Variants in PUDP observed in about 807,000 individuals in gnomAD.
PUDP encodes pseudouridine-5'-phosphatase.
In PUDP, 8 loss-of-function variants were observed where a neutral mutation model predicts 9.4. The observed-to-expected ratio is 0.85, with a 90% CI of 0.50 to 1.53. The LOEUF is 1.53. PUDP is among the 40% of genes most tolerant of loss of function. PUDP has a pLI of 0.00. For synonymous variants in PUDP, 99 were observed against 80.7 expected (o/e 1.23, Z -1.22); for missense variants, 188 against 189.7 (o/e 0.99, Z 0.05).
chrX:6,901,185 C>T (rs1184299616), intron 3 of PUDP, among the ~76,000 whole-genome samples: 1 of 111,857 alleles, frequency 8.9e-6, no homozygotes, highest in Non-Finnish European at 1.9e-5. Flanking sequence ...TTGGAACAGT[C>T]TGTCTGTGTC....
rs1031505629 is a variant in PUDP, at chrX:6,919,423, G to A, written c.*247+57710C>T. Among the ~76,000 whole-genome samples the A allele has an allele frequency of 2.7e-5, 3 of 111,450 alleles. No homozygotes were observed. In the Admixed American group the frequency reaches 2.9e-4, roughly 11 times the overall value. On this transcript the variant is annotated intron_variant and NMD_transcript_variant, in intron 3 of 3. Coordinates refer to the PUDP transcript ENST00000655425. ...TGGAGGGCTGTTATTTGGCATCATA[G>A]TTCCAAACTCTAAGCGCTTGCCAAG... is the stretch of plus-strand genomic sequence containing the variant.
intron 1 of PUDP, among the ~76,000 whole-genome samples, chrX:6,709,381 A>C (rs1036754124): frequency 9.0e-6 from 1 of 111,507 alleles, no homozygotes; most frequent in Non-Finnish European, 1.9e-5. Flanking sequence ...CTCCAGTCCC[A>C]AATGTCCTTC....
chrX:6,782,900 C>A (rs1925587402), intron 3 of PUDP, among the ~76,000 whole-genome samples: 1 of 112,051 alleles, frequency 8.9e-6, no homozygotes, highest in Admixed American at 9.5e-5. Flanking sequence ...GATTTCTCTC[C>A]TGCTGCAAAG....
intron 3 of PUDP, among the ~76,000 whole-genome samples, chrX:6,960,916 A>G (rs1429583655): frequency 3.6e-5 from 4 of 111,969 alleles, no homozygotes; most frequent in Non-Finnish European, 7.5e-5. Flanking sequence ...GAGAGCAACC[A>G]TACACAATAT....
chrX:6,978,201 A>T (rs1019420952), exon 2 of PUDP, among the ~76,000 whole-genome samples: 1 of 111,978 alleles, frequency 8.9e-6, no homozygotes, highest in Admixed American at 9.5e-5. Flanking sequence ...TTTTCAACCC[A>T]ATTCTGCAGG....
At chrX:6,916,310 T>C (rs1420928190) in intron 3 of PUDP, among the ~76,000 whole-genome samples, 1 of 107,421 alleles carries the variant, frequency 9.3e-6, no homozygotes, top group Admixed American at 1.0e-4. Flanking sequence ...CATGTCATGA[T>C]TGTGTAAGTT....
intron 3 of PUDP, among the ~76,000 whole-genome samples, chrX:6,856,095 T>C (rs1926901570): frequency 9.0e-6 from 1 of 111,379 alleles, no homozygotes; most frequent in Non-Finnish European, 1.9e-5. Flanking sequence ...GATAAACTTG[T>C]CTACTTTCTA....
chrX:7,019,060 T>A (rs1028323402), intron 1 of PUDP, among the ~76,000 whole-genome samples: 5 of 112,140 alleles, frequency 4.5e-5, no homozygotes, highest in Non-Finnish European at 9.4e-5. Context: ...TGACCTTTTT[T>A]AATTCTCTAT....
At chrX:6,885,450 T>G (rs1927408320) in intron 3 of PUDP, among the ~76,000 whole-genome samples, 1 of 112,047 alleles carries the variant, frequency 8.9e-6, no homozygotes, top group African/African-American at 3.2e-5. Flanking sequence ...TTACAGGTTA[T>G]TTCTAAAGGG....
chrX:6,804,650 C>T (rs922134867), intron 3 of PUDP, among the ~76,000 whole-genome samples: 2 of 111,306 alleles, frequency 1.8e-5, no homozygotes, highest in African/African-American at 6.5e-5. Context: ...TGCAGGTCTA[C>T]GCTTCCTCCT....
At chrX:7,039,131 A>C (rs1282737964) in intron 1 of PUDP, among the ~76,000 whole-genome samples, 1 of 110,064 alleles carries the variant, frequency 9.1e-6, no homozygotes, top group African/African-American at 3.3e-5. Flanking sequence ...GGGTCTCCCT[A>C]TGTTGCCCAG....
At chrX:7,027,233 C>G (rs775582399) in intron 1 of PUDP, among the ~76,000 whole-genome samples, 4 of 110,988 alleles carry the variant, frequency 3.6e-5, no homozygotes, top group Non-Finnish European at 7.5e-5. Context: ...CAGCAGGTCT[C>G]CCAGCTGAGC....
At chrX:6,963,921 A>G (rs1284494544) in intron 3 of PUDP, among the ~76,000 whole-genome samples, 1 of 112,244 alleles carries the variant, frequency 8.9e-6, no homozygotes, top group African/African-American at 3.2e-5. Context: ...CGTGGGAGGA[A>G]TTGACTCTTC....
intron 1 of PUDP, among the ~76,000 whole-genome samples, chrX:7,012,081 C>A (rs940860112): frequency 8.9e-6 from 1 of 111,983 alleles, no homozygotes; most frequent in African/African-American, 3.3e-5. Flanking sequence ...TGTATAACAC[C>A]GTTAGAGTAA....
chrX:6,858,386 G>A (rs758804311), intron 3 of PUDP, among the ~76,000 whole-genome samples: 1 of 99,572 alleles, frequency 1.0e-5, no homozygotes, highest in East Asian at 3.1e-4. Context: ...CTGGAGTGCA[G>A]TGGCACAATG....
Position 6,984,447 on chromosome X carries a change from G to T in PUDP, c.205-6104C>A, listed in dbSNP as rs1216219287. 4.5e-5 allele frequency among the ~76,000 whole-genome samples: 5 copies of T among 111,934 alleles called. No individual in the cohort carries two copies. The East Asian group carries it at 1.4e-3, about 31-fold the overall frequency. On this transcript the variant is annotated intron_variant and NMD_transcript_variant, in intron 1 of 3. Transcript: ENST00000655425. Reference sequence around the variant, plus strand: ...CAATATAGCTGTTCTATTTTTTAAGGAAAAATATAGAGTGCCATAAGTGCT... The same window carrying T: ...CAATATAGCTGTTCTATTTTTTAAGTAAAAATATAGAGTGCCATAAGTGCT...
intron 1 of PUDP, among the ~76,000 whole-genome samples, chrX:7,134,136 G>GT (rs1236557125): frequency 2.7e-5 from 3 of 112,379 alleles, no homozygotes; most frequent in Non-Finnish European, 5.6e-5. Flanking sequence ...AGTACAGTAA[G>GT]TAAGTTGTCA....
At chrX:6,751,604 G>C (rs1248033261) in intron 3 of PUDP, among the ~76,000 whole-genome samples, 1 of 111,306 alleles carries the variant, frequency 9.0e-6, no homozygotes, top group East Asian at 2.8e-4. Context: ...GAATCTCTTG[G>C]AAGGAGCTTT....
chrX:6,737,677 T>C (rs904306687), intron 3 of PUDP, among the ~76,000 whole-genome samples: 2 of 110,622 alleles, frequency 1.8e-5, no homozygotes, highest in Non-Finnish European at 3.8e-5. Flanking sequence ...ACTGCAAGGT[T>C]CTCAAATTTT....
Sources: allele counts gnomAD v4.1 joint callset (sites outside exome capture counted in the v4.1 genomes callset), GRCh38; gene constraint gnomAD v4.1.1; transcripts MANE v1.5; gene names NCBI Gene and HGNC (gene_info 2026-07-23, HGNC 2026-07-21).